Variants in POLN observed in about 807,000 individuals in gnomAD.
POLN encodes DNA polymerase N.
Under a neutral mutation model 113.5 loss-of-function variants are expected in POLN, and 108 were observed. The ratio of observed to expected loss-of-function variants is 0.95; its 90% confidence interval spans 0.81 to 1.12. POLN has a LOEUF of 1.12. POLN is among the 50% of genes most tolerant of loss of function. The pLI, the probability that POLN is intolerant of heterozygous loss-of-function variation, is 0.00. For missense variants in POLN, 1,097 were observed against 1,077.1 expected, an observed-to-expected ratio of 1.02 and a Z score of -0.26; for synonymous variants, 386 against 391.5, an observed-to-expected ratio of 0.99 and a Z score of 0.17.
chr4:2,124,932 C>G (rs1731541885), intron 19 of POLN, among the ~76,000 whole-genome samples: 1 of 152,124 alleles, frequency 6.6e-6, no homozygotes, highest in African/African-American at 2.4e-5. Context: ...CAAGAAAGAG[C>G]TGGCAGTGAG....
At chr4:2,157,513 T>TA (rs895170291) in intron 15 of POLN, among the ~76,000 whole-genome samples, 1 of 151,744 alleles carries the variant, frequency 6.6e-6, no homozygotes, top group Non-Finnish European at 1.5e-5. Flanking sequence ...GATCACGACG[T>TA]AAGAGTTTGA....
chr4:2,156,846 A>T lies in POLN; in HGVS notation c.1673T>A (p.Ile558Asn). 1 of 1,611,352 alleles carries T rather than the reference A, an allele frequency of 6.2e-7. No individual in the cohort carries two copies. The highest frequency in any genetic ancestry group is 8.5e-7 in the Non-Finnish European group (1 of 1,177,430). Residue 558 changes from isoleucine (I) to asparagine (N), a missense_variant, in exon 16 of 26, where the codon ATT becomes AAT. Ile to Asn is a moderately radical substitution (Grantham distance 149). Coordinates refer to ENST00000511885, the MANE Select transcript of POLN (RefSeq NM_181808.4). The stretch of plus-strand genomic sequence containing the variant: ...TCCAGTCTGATTCCATGTAGAGGAA[A>T]TGGAGCCCTTTATTAGTTAAAAAGA... ...GLLACMKKGSISSTWNQTGTV... is the reference protein window; with the variant it reads ...GLLACMKKGSNSSTWNQTGTV...
chr4:2,239,006 C>A, intron 2 of POLN: 1 of 1,547,392 alleles, frequency 6.5e-7, no homozygotes, highest in Non-Finnish European at 8.7e-7. Context: ...ACTGGTCAAG[C>A]TAGAAATTTT....
intron 19 of POLN, among the ~76,000 whole-genome samples, chr4:2,120,325 T>C (rs1731409106): frequency 6.6e-6 from 1 of 152,266 alleles, no homozygotes; most frequent in African/African-American, 2.4e-5. Flanking sequence ...TATAAACCTA[T>C]GGACCAATTT....
At chr4:2,105,171 C>A (rs970830270) in intron 19 of POLN, among the ~76,000 whole-genome samples, 1 of 152,228 alleles carries the variant, frequency 6.6e-6, no homozygotes, top group Non-Finnish European at 1.5e-5. Flanking sequence ...ACCACCCACC[C>A]TGCTGCTGGC....
rs1734986891 is a variant in POLN, at chr4:2,241,510, A to G, written c.-13+10T>C. 5.1e-6 allele frequency: 5 copies of G among 985,566 alleles called. No homozygotes were observed. In the South Asian group the frequency reaches 2.3e-4, roughly 46 times the overall value. 61.1% of individuals were successfully genotyped at this position (985,566 alleles called of 1,614,324 possible). A position where few individuals can be genotyped will look rare whatever the true frequency, so the allele number is the denominator to read the frequency against. On this transcript the variant is annotated intron_variant, in intron 2 of 25. Transcript: ENST00000511885. ...ATGGCACATCTTCTGAAGATCAACTAAATATTTACCTCAACGTCTCGCCGG... is the reference window on the plus strand; with the variant it reads ...ATGGCACATCTTCTGAAGATCAACTGAATATTTACCTCAACGTCTCGCCGG...
At chr4:2,117,281 G>C (rs1731340626) in intron 19 of POLN, among the ~76,000 whole-genome samples, 1 of 152,218 alleles carries the variant, frequency 6.6e-6, no homozygotes, top group African/African-American at 2.4e-5. Flanking sequence ...CTAACCCTGA[G>C]TCAGTGGGAT....
intron 16 of POLN, among the ~76,000 whole-genome samples, chr4:2,149,160 G>A (rs998225432): frequency 1.3e-5 from 2 of 152,068 alleles, no homozygotes; most frequent in Non-Finnish European, 2.9e-5. Context: ...TGAGCGCAGT[G>A]GTATGCGCCT....
intron 20 of POLN, chr4:2,090,286 C>T (rs1471043779): frequency 2.5e-6 from 2 of 812,034 alleles, no homozygotes; most frequent in Non-Finnish European, 4.1e-6. Context: ...TTCTGCACAT[C>T]AAACTTGTTC....
chr4:2,237,087 T>G (rs1734793011), intron 2 of POLN, among the ~76,000 whole-genome samples: 1 of 152,026 alleles, frequency 6.6e-6, no homozygotes. Flanking sequence ...GCCACTAACG[T>G]ACTTCAAAGT....
intron 5 of POLN, among the ~76,000 whole-genome samples, chr4:2,199,070 T>C (rs774444789): frequency 6.6e-6 from 1 of 152,210 alleles, no homozygotes; most frequent in Non-Finnish European, 1.5e-5. Flanking sequence ...ATCCTGGAGC[T>C]AATATGTGAA....
chr4:2,101,102 C>T (rs907420364), intron 19 of POLN, among the ~76,000 whole-genome samples: 2 of 150,374 alleles, frequency 1.3e-5, no homozygotes, highest in Non-Finnish European at 3.0e-5. Context: ...TTTGTTGCCA[C>T]ACAAATCACA....
At chr4:2,188,147 C>G (rs1330168228) in intron 7 of POLN, among the ~76,000 whole-genome samples, 1 of 151,686 alleles carries the variant, frequency 6.6e-6, no homozygotes, top group Non-Finnish European at 1.5e-5. Context: ...AAAAGGAAAA[C>G]AAAACAAAAG....
chr4:2,148,931 C>G (rs1732220984), intron 16 of POLN, among the ~76,000 whole-genome samples: 1 of 152,028 alleles, frequency 6.6e-6, no homozygotes, highest in African/African-American at 2.4e-5. Flanking sequence ...GAAAAAAAAC[C>G]TTTTAACTGA....
chr4:2,098,797 C>T (rs1279962864), intron 19 of POLN, among the ~76,000 whole-genome samples: 2 of 152,218 alleles, frequency 1.3e-5, no homozygotes, highest in Non-Finnish European at 2.9e-5. Context: ...AAAAATGGGG[C>T]TCCTTGGAGA....
intron 19 of POLN, among the ~76,000 whole-genome samples, chr4:2,108,300 C>T (rs530683644): frequency 6.6e-6 from 1 of 152,210 alleles, no homozygotes; most frequent in Admixed American, 6.5e-5. Context: ...ACTGTGCCCC[C>T]TCAGGCACAT....
Position 2,241,714 on chromosome 4 carries a change from C to G in POLN, c.-207G>C, listed in dbSNP as rs916579451. Reference sequence around the variant, plus strand: ...GGCAAGCCCCAGGGATCCGCGGCCCCAAGGCCGCGATACACCAGACGCGCC... The same window carrying G: ...GGCAAGCCCCAGGGATCCGCGGCCCGAAGGCCGCGATACACCAGACGCGCC... On this transcript the variant is annotated 5_prime_UTR_variant, in exon 2 of 26. Coordinates refer to ENST00000511885, the MANE Select transcript of POLN (RefSeq NM_181808.4). 6.1e-6 allele frequency: 6 copies of G among 985,378 alleles called. No homozygotes were observed. The highest frequency in any genetic ancestry group is 6.1e-5 in the Admixed American group (1 of 16,276). The allele number at this position is 985,378 out of a possible 1,614,324, so 61.0% of individuals were successfully genotyped here. A position where few individuals can be genotyped will look rare whatever the true frequency, so the allele number is the denominator to read the frequency against.
chr4:2,166,748 C>A (rs1245449251), intron 13 of POLN, among the ~76,000 whole-genome samples: 1 of 152,154 alleles, frequency 6.6e-6, no homozygotes, highest in Non-Finnish European at 1.5e-5. Context: ...CTAGTACACA[C>A]ACTGGCGACA....
intron 19 of POLN, among the ~76,000 whole-genome samples, chr4:2,101,496 A>G (rs1433438163): frequency 2.0e-5 from 3 of 152,178 alleles, no homozygotes; most frequent in African/African-American, 7.2e-5. Context: ...AGGGGGTGAT[A>G]ATCTTTCTGT....
Sources: gnomAD v4.1 joint callset for allele counts (sites outside exome capture counted in the v4.1 genomes callset) on GRCh38, gnomAD v4.1.1 for gene constraint, MANE v1.5 for transcripts, NCBI Gene and HGNC (gene_info 2026-07-23, HGNC 2026-07-21) for gene names.